The following ERAL1 variants were observed in gnomAD, a reference collection of about 807,000 sequenced individuals.
ERAL1 encodes GTPase Era, mitochondrial.
In ERAL1, 36 loss-of-function variants were observed where a neutral mutation model predicts 53.6. The observed-to-expected ratio is 0.67, with a 90% CI of 0.51 to 0.89. The LOEUF is 0.89. Ranked by LOEUF, ERAL1 falls within the 40% of genes least tolerant of loss-of-function variation. The pLI is 0.00. For synonymous variants in ERAL1, 215 were observed against 211.8 expected (o/e 1.02, Z -0.13); for missense variants, 512 against 537.5 (o/e 0.95, Z 0.47).
chr17:28,855,233 G>T lies in ERAL1; in HGVS notation c.199G>T (p.Gly67Cys), dbSNP rs1341725170. Residue 67 changes from glycine (G) to cysteine (C), a missense_variant, in exon 1 of 10, where the codon GGC becomes TGC. Gly to Cys is a radical substitution (Grantham distance 159). Transcript: ENST00000254928. ...CTCGGCTTCTCGCAGTAATGGCCAG[G>T]GCTCTGCCCTGGACCACTTCCTCGG... ...LASASRSNGQ[G>C]SALDHFLGFS... 6.2e-7 allele frequency: 1 copy of T among 1,614,220 alleles called. No individual in the cohort carries two copies. Among genetic ancestry groups the T allele is most frequent in the Non-Finnish European group, 8.5e-7 (1 of 1,180,030 alleles).
Position 28,859,267 on chromosome 17 carries a change from C to T in ERAL1, c.1175C>T (p.Pro392Leu). The change falls in exon 9 of 10, where the codon CCC (proline) becomes CTC (leucine). Residue 392 changes from proline to leucine, a missense_variant. By Grantham distance (98) the Pro-to-Leu change is moderately conservative. Coordinates refer to ENST00000254928, the MANE Select transcript of ERAL1 (RefSeq NM_005702.4). The stretch of plus-strand genomic sequence containing the variant: ...GTTATCCAACAGAAGCTTCTGGTGC[C>T]CAAAGAATCTTATGTGGTAAGTGAG... ...ELVIQQKLLV[P>L]KESYVKLLIG... The T allele has an allele frequency of 1.2e-6, 2 of 1,614,088 alleles. No homozygotes were observed. Among genetic ancestry groups the T allele is most frequent in the East Asian group, 4.5e-5 (2 of 44,884 alleles).
Position 28,858,373 on chromosome 17 carries a change from GTTGTGGTTC to G in ERAL1, c.605_613del (p.Val202_Val204del). The G allele has an allele frequency of 1.9e-6, 3 of 1,614,106 alleles. No homozygotes were observed. The South Asian group carries it at 3.3e-5, about 18-fold the overall frequency. ...CTTCTTCCTGCCTTGCCATCTTCTAGTTGTGGTTCTTGTGGATGTCTCAGACAAGTGGAC... is the reference window on the plus strand; with the variant it reads ...CTTCTTCCTGCCTTGCCATCTTCTAGTTGTGGATGTCTCAGACAAGTGGAC... On this transcript the variant is annotated inframe_deletion and splice_region_variant, in exon 6 of 10. Transcript: ENST00000254928.
At chr17:28,856,655 C>A in intron 3 of ERAL1, 73 bp downstream of exon 3, 1 of 1,343,464 alleles carries the variant, frequency 7.4e-7, no homozygotes, top group Non-Finnish European at 1.1e-6. Context: ...TACCATCAGC[C>A]TTGAAGAAAA....
chr17:28,857,914 G>A (rs1206611411), intron 3 of ERAL1, 25 bp from the exon 4 acceptor site: 1 of 1,613,836 alleles, frequency 6.2e-7, no homozygotes, highest in Non-Finnish European at 8.5e-7. Context: ...CCTGGGGTCT[G>A]GGTATCTCAC....
chr17:28,858,015 C>T (rs368184082), intron 4 of ERAL1, 30 bp downstream of exon 4: 28 of 1,613,696 alleles, frequency 1.7e-5, no homozygotes, highest in Middle Eastern at 1.6e-4. Context: ...GGTGGATTGG[C>T]GGGGAGGTAC....
In ERAL1 at chr17:28,860,532, C is replaced by G. The variant is rs766763114; in HGVS notation, c.1293C>G (p.Leu431=). Residue 431 remains leucine (L), a synonymous_variant, in exon 10 of 10, where the codon CTC becomes CTG. Coordinates refer to ENST00000254928, the MANE Select transcript of ERAL1 (RefSeq NM_005702.4). ...TCCTCTGCGATGTTGACATCCGCCT[C>G]TCTGTGAAGCTCCTCAAGTGACCAC... is the stretch of plus-strand genomic sequence containing the variant. ...DIFLCDVDIR[L]SVKLLK is the part of the protein sequence containing the mutation. The G allele has an allele frequency of 6.2e-7, 1 of 1,602,954 alleles. No homozygotes were observed. The highest frequency in any genetic ancestry group is 8.5e-7 in the Non-Finnish European group (1 of 1,175,518).
intron 3 of ERAL1, among the ~76,000 whole-genome samples, chr17:28,857,472 A>G (rs999941959): frequency 1.3e-5 from 2 of 151,760 alleles, no homozygotes; most frequent in African/African-American, 2.4e-5. Flanking sequence ...TTTCTCCCAG[A>G]TCCCATCAAA....
rs2039293405 is a variant in ERAL1, at chr17:28,860,419, A to C, written c.1192-12A>C. On this transcript the variant is annotated splice_polypyrimidine_tract_variant and intron_variant, in intron 9 of 9. Coordinates refer to ENST00000254928, the MANE Select transcript of ERAL1 (RefSeq NM_005702.4). ...ATCATTCCTGGCTTCCTTCTCTTTC[A>C]CATACCCTCAGAAACTCCTGATTGG... 6.2e-7 allele frequency: 1 copy of C among 1,610,648 alleles called. No individual in the cohort carries two copies. The highest frequency in any genetic ancestry group is 1.3e-5 in the African/African-American group (1 of 74,746).
At chr17:28,856,174 C>A (rs1161803802) in intron 1 of ERAL1, 90 bp from the exon 2 acceptor site, 6 of 1,525,920 alleles carry the variant, frequency 3.9e-6, no homozygotes, top group Middle Eastern at 1.7e-4. Context: ...AATTTTGTAC[C>A]CCTGCTCCCT....
At chr17:28,857,246 T>C (rs2039256185) in intron 3 of ERAL1, among the ~76,000 whole-genome samples, 2 of 151,712 alleles carry the variant, frequency 1.3e-5, no homozygotes, top group Middle Eastern at 3.4e-3. Context: ...TAGCTGGGAC[T>C]ACAGGCATGC....
chr17:28,860,505 C>T lies in ERAL1; in HGVS notation c.1266C>T (p.Ile422=). The change falls in exon 10 of 10, where the codon ATC becomes ATT. Residue 422 remains isoleucine, a synonymous_variant. Transcript: ENST00000254928. ...AGGCAGGCCATGACCTCATGGACAT[C>T]TTCCTCTGCGATGTTGACATCCGCC... ...AQEAGHDLMD[I]FLCDVDIRLS... 6.2e-7 allele frequency: 1 copy of T among 1,608,094 alleles called. No individual in the cohort carries two copies. The highest frequency in any genetic ancestry group is 8.5e-7 in the Non-Finnish European group (1 of 1,177,622).
intron 7 of ERAL1, 58 bp from the exon 8 acceptor site, chr17:28,858,906 T>C: frequency 6.2e-7 from 1 of 1,611,882 alleles, no homozygotes; most frequent in Non-Finnish European, 8.5e-7. Context: ...GAAGCAAAAG[T>C]GAGGAGAAAA....
chr17:28,860,608 G>C lies in ERAL1; in HGVS notation c.*55G>C. ...CCAGCTCAAGCTGCTGGCAGGAACT[G>C]ACCAGTTCTGTCCTTGGCTGGGGAC... On this transcript the variant is annotated 3_prime_UTR_variant, in exon 10 of 10. Transcript: ENST00000254928. 6.5e-7 allele frequency: 1 copy of C among 1,540,028 alleles called. No homozygotes were observed. Among genetic ancestry groups the C allele is most frequent in the Non-Finnish European group, 8.7e-7 (1 of 1,149,112 alleles).
In ERAL1 at chr17:28,857,989, A is replaced by G; in HGVS notation, c.536+4A>G. On this transcript the variant is annotated splice_donor_region_variant and intron_variant, in intron 4 of 9. Coordinates refer to ENST00000254928, the MANE Select transcript of ERAL1 (RefSeq NM_005702.4). ...TCAGTCCTGGTAAACAGAAGAGGTA[A>G]TGGTGGTGGAATTGGGGTGGATTGG... The G allele has an allele frequency of 6.2e-7, 1 of 1,614,072 alleles. No individual in the cohort carries two copies. The highest frequency in any genetic ancestry group is 8.5e-7 in the Non-Finnish European group (1 of 1,179,996).
chr17:28,856,945 G>A (rs1048240501), intron 3 of ERAL1, among the ~76,000 whole-genome samples: 18 of 151,404 alleles, frequency 1.2e-4, no homozygotes, highest in Non-Finnish European at 1.8e-4. Context: ...TCTCCTGACC[G>A]CGTGATCCGC....
In ERAL1 at chr17:28,858,567, C is replaced by T. The variant is rs912893351; in HGVS notation, c.712-9C>T. ...GACCACACACCCTTTGCCCATCCCC[C>T]ATGTCCAGGTAGATTGTTTGAAGCA... is the stretch of plus-strand genomic sequence containing the variant. On this transcript the variant is annotated splice_polypyrimidine_tract_variant and intron_variant, in intron 6 of 9. Transcript: ENST00000254928. The T allele has an allele frequency of 6.2e-7, 1 of 1,614,060 alleles. No individual in the cohort carries two copies. Among genetic ancestry groups the T allele is most frequent in the Non-Finnish European group, 8.5e-7 (1 of 1,180,046 alleles).
intron 3 of ERAL1, among the ~76,000 whole-genome samples, chr17:28,857,731 G>T (rs552969901): frequency 6.6e-6 from 1 of 152,258 alleles, no homozygotes; most frequent in South Asian, 2.1e-4. Context: ...GGCAGAGGTT[G>T]CAGTGAGCTG....
chr17:28,859,162 C>A (rs1439395282), intron 8 of ERAL1, 41 bp from the exon 9 acceptor site: 1 of 1,613,640 alleles, frequency 6.2e-7, no homozygotes, highest in South Asian at 1.1e-5. Flanking sequence ...CACACCTCTA[C>A]CCAGGTGTAT....
chr17:28,857,467 C>T (rs1160463938), intron 3 of ERAL1, among the ~76,000 whole-genome samples: 1 of 151,892 alleles, frequency 6.6e-6, no homozygotes, highest in African/African-American at 2.4e-5. Flanking sequence ...TCATCTTTCT[C>T]CCAGATCCCA....
Sources: gnomAD v4.1 joint callset for allele counts (sites outside exome capture counted in the v4.1 genomes callset) on GRCh38, gnomAD v4.1.1 for gene constraint, MANE v1.5 for transcripts, NCBI Gene and HGNC (gene_info 2026-07-23, HGNC 2026-07-21) for gene names.